The following SPATA16 variants were observed in gnomAD, a reference collection of about 807,000 sequenced individuals.
SPATA16 encodes the protein spermatogenesis associated 16, also known as spermatogenesis-associated protein 16.
SPATA16 carries 36 observed loss-of-function variants against 63.3 expected under a neutral mutation model. The observed-to-expected ratio is 0.57, with a 90% CI of 0.44 to 0.75. The LOEUF (loss-of-function observed/expected upper bound fraction) is 0.75, where lower values mean the gene tolerates loss of function less well. Ranked by LOEUF, SPATA16 falls within the 30% of genes least tolerant of loss-of-function variation. The pLI is 0.00. For synonymous variants in SPATA16, 203 were observed against 216.7 expected (o/e 0.94, Z 0.56); for missense variants, 646 against 679.3 (o/e 0.95, Z 0.54).
chr3:172,943,715 G>A (rs1412677845), intron 6 of SPATA16, among the ~76,000 whole-genome samples: 2 of 152,184 alleles, frequency 1.3e-5, no homozygotes, highest in East Asian at 3.8e-4. Context: ...ACTCCAGCCT[G>A]GGTGACAGAG....
chr3:172,933,179 T>C (rs1732908096), intron 6 of SPATA16, among the ~76,000 whole-genome samples: 1 of 152,210 alleles, frequency 6.6e-6, no homozygotes, highest in South Asian at 2.1e-4. Flanking sequence ...AAAGATTCCC[T>C]CTCAATGTTT....
intron 2 of SPATA16, among the ~76,000 whole-genome samples, chr3:173,056,607 G>A (rs913059745): frequency 2.7e-5 from 4 of 148,842 alleles, no homozygotes; most frequent in Non-Finnish European, 5.9e-5. Context: ...GGGAGGCTGA[G>A]GCAGAAGAAT....
intron 2 of SPATA16, among the ~76,000 whole-genome samples, chr3:173,110,503 C>G (rs950577398): frequency 1.3e-5 from 2 of 152,102 alleles, no homozygotes; most frequent in Admixed American, 1.3e-4. Flanking sequence ...GGGCAAAATC[C>G]TTTGGAATGT....
At chr3:173,071,723 C>T (rs1736678040) in intron 2 of SPATA16, among the ~76,000 whole-genome samples, 1 of 152,118 alleles carries the variant, frequency 6.6e-6, no homozygotes, top group South Asian at 2.1e-4. Context: ...CATCACTAAT[C>T]ATCAGATAAA....
chr3:172,961,729 A>T (rs28585401), intron 5 of SPATA16, among the ~76,000 whole-genome samples: 5,818 of 152,240 alleles, frequency 0.038, 372 homozygotes, highest in African/African-American at 0.13. Flanking sequence ...AAAAAATTCT[A>T]TAGAATTTAG....
chr3:172,946,459 C>T (rs1733291217), intron 6 of SPATA16, among the ~76,000 whole-genome samples: 1 of 152,114 alleles, frequency 6.6e-6, no homozygotes, highest in Non-Finnish European at 1.5e-5. Context: ...AGGGAAGCCT[C>T]CTGCCCTGAA....
chr3:173,117,233 T>C lies in SPATA16; in HGVS notation c.499A>G (p.Ser167Gly), dbSNP rs746320062. 6 of 1,614,190 alleles carry C rather than the reference T, an allele frequency of 3.7e-6. No homozygotes were observed. In the South Asian group the frequency reaches 6.6e-5, roughly 18 times the overall value. Residue 167 changes from serine to glycine, a missense_variant, in exon 2 of 11, where the codon AGC (serine) becomes GGC (glycine). Physicochemically the swap from Ser to Gly is moderately conservative, Grantham distance 56. Coordinates refer to ENST00000351008, the MANE Select transcript of SPATA16 (RefSeq NM_031955.6). Reference sequence around the variant, plus strand: ...CATTTGTCAATCTGAGGCAGAAAGCTGAAATTATGTACACTCAAAGGGTCT... The same window carrying C: ...CATTTGTCAATCTGAGGCAGAAAGCCGAAATTATGTACACTCAAAGGGTCT... ...IVDPLSVHNF[S>G]FLPQIDKWLQ... is the part of the protein sequence containing the mutation.
chr3:172,956,215 T>C (rs1733591183), intron 6 of SPATA16, among the ~76,000 whole-genome samples: 1 of 152,114 alleles, frequency 6.6e-6, no homozygotes, highest in African/African-American at 2.4e-5. Flanking sequence ...GACTCTTAGC[T>C]ATCCAGATCT....
chr3:172,924,082 T>C (rs538585784), intron 8 of SPATA16, 126 bp downstream of exon 8: 48 of 754,710 alleles, frequency 6.4e-5, no homozygotes, highest in South Asian at 2.2e-4. Context: ...TTTTTGCAAA[T>C]GAGATTTACT....
At chr3:173,027,561 C>T (rs2108281340) in intron 3 of SPATA16, among the ~76,000 whole-genome samples, 1 of 151,442 alleles carries the variant, frequency 6.6e-6, no homozygotes, top group East Asian at 1.9e-4. Context: ...TGCTTTTTTT[C>T]TCTGTCCCAT....
chr3:173,061,366 T>C (rs1257121750), intron 2 of SPATA16, among the ~76,000 whole-genome samples: 2 of 152,236 alleles, frequency 1.3e-5, no homozygotes, highest in African/African-American at 4.8e-5. Context: ...TGGATATAGG[T>C]AACAATCTAC....
At chr3:173,006,416 T>G (rs1385162650) in intron 4 of SPATA16, among the ~76,000 whole-genome samples, 2 of 152,242 alleles carry the variant, frequency 1.3e-5, no homozygotes, top group Non-Finnish European at 2.9e-5. Context: ...TTTAATCTAT[T>G]TGTAGGCATA....
At chr3:172,913,150 A>T (rs532998026) in intron 10 of SPATA16, among the ~76,000 whole-genome samples, 54 of 152,326 alleles carry the variant, frequency 3.5e-4, no homozygotes, top group African/African-American at 1.3e-3. Flanking sequence ...ACTTGGGTCC[A>T]GGTGCATCTC....
intron 6 of SPATA16, among the ~76,000 whole-genome samples, chr3:172,946,728 G>A (rs527864819): frequency 1.1e-4 from 16 of 152,260 alleles, no homozygotes; most frequent in Non-Finnish European, 1.5e-4. Flanking sequence ...CCTGGCTCAT[G>A]GACAGCATTT....
intron 2 of SPATA16, among the ~76,000 whole-genome samples, chr3:173,088,987 G>A (rs990358950): frequency 6.6e-6 from 1 of 152,182 alleles, no homozygotes; most frequent in Admixed American, 6.5e-5. Context: ...AGCTGTCCAA[G>A]GATGAACGGA....
At chr3:172,944,206 A>C (rs1733228381) in intron 6 of SPATA16, among the ~76,000 whole-genome samples, 3 of 152,236 alleles carry the variant, frequency 2.0e-5, no homozygotes, top group Admixed American at 2.0e-4. Context: ...GAAAGGACTT[A>C]AACAGACATT....
At chr3:173,000,926 T>C (rs1334333354) in intron 4 of SPATA16, among the ~76,000 whole-genome samples, 2 of 152,196 alleles carry the variant, frequency 1.3e-5, no homozygotes, top group Non-Finnish European at 2.9e-5. Flanking sequence ...TATTCATCTG[T>C]CCCTGCATGT....
In SPATA16 at chr3:173,114,352, G is replaced by A. The variant is rs571048146; in HGVS notation, c.612+2768C>T. ...ACCGTATTTCTCAGCCTCCCTTGCA[G>A]GTATGTGTGGCCACATGATTAAATT... is the stretch of plus-strand genomic sequence containing the variant. On this transcript the variant is annotated intron_variant, in intron 2 of 10. Coordinates refer to ENST00000351008, the MANE Select transcript of SPATA16 (RefSeq NM_031955.6). Among the ~76,000 whole-genome samples, 6 of 152,240 alleles carry A rather than the reference G, an allele frequency of 3.9e-5. No homozygotes were observed. The East Asian group carries it at 1.2e-3, about 29-fold the overall frequency.
intron 2 of SPATA16, among the ~76,000 whole-genome samples, chr3:173,076,408 T>A (rs1560115517): frequency 1.3e-5 from 2 of 149,288 alleles, no homozygotes; most frequent in Admixed American, 6.7e-5. Flanking sequence ...TTTTTTTTTT[T>A]AAATCAGCAC....
Sources: gnomAD v4.1 joint callset for allele counts (sites outside exome capture counted in the v4.1 genomes callset) on GRCh38, gnomAD v4.1.1 for gene constraint, MANE v1.5 for transcripts, NCBI Gene and HGNC (gene_info 2026-07-23, HGNC 2026-07-21) for gene names.